The following KDSR variants were observed in gnomAD, a reference collection of about 807,000 sequenced individuals.
The protein encoded by KDSR is 3-ketodihydrosphingosine reductase, also known as 3-dehydrosphinganine reductase.
In KDSR, 23 loss-of-function variants were observed where a neutral mutation model predicts 41.3. The observed-to-expected ratio is 0.56, with a 90% CI of 0.40 to 0.79. KDSR has a LOEUF of 0.79. Among genes scored for constraint, KDSR ranks in the 30% least tolerant of loss-of-function variants. KDSR has a pLI of 0.00. For missense variants in KDSR, 351 were observed against 416.8 expected (o/e 0.84, Z 1.37); for synonymous variants, 138 against 151.7 (o/e 0.91, Z 0.66).
chr18:63,357,472 T>TAA (rs34264344), intron 3 of KDSR, among the ~76,000 whole-genome samples: 16 of 137,830 alleles, frequency 1.2e-4, no homozygotes, highest in East Asian at 2.1e-4. Context: ...TACGCAGCAG[T>TAA]AAAAAAAAAA....
chr18:63,365,755 T>C (rs1332114357), intron 1 of KDSR, among the ~76,000 whole-genome samples: 5 of 152,216 alleles, frequency 3.3e-5, no homozygotes, highest in Non-Finnish European at 7.3e-5. Flanking sequence ...AGGCAGCAGT[T>C]CTCTTGCGGA....
At chr18:63,352,460 G>C (rs906131364) in intron 5 of KDSR, among the ~76,000 whole-genome samples, 1 of 152,084 alleles carries the variant, frequency 6.6e-6, no homozygotes, top group African/African-American at 2.4e-5. Context: ...GATTACAGGC[G>C]CCAGCCACCA....
chr18:63,353,681 A>C (rs962048816), intron 5 of KDSR, among the ~76,000 whole-genome samples: 3 of 152,256 alleles, frequency 2.0e-5, no homozygotes, highest in African/African-American at 7.2e-5. Context: ...CATATATGCT[A>C]CATGTGGATG....
intron 9 of KDSR, among the ~76,000 whole-genome samples, chr18:63,333,884 A>G (rs1434205232): frequency 6.6e-6 from 1 of 152,184 alleles, no homozygotes; most frequent in Non-Finnish European, 1.5e-5. Flanking sequence ...GAAGAATGTG[A>G]AGAACTGAGT....
intron 6 of KDSR, chr18:63,344,852 C>A (rs1914450034): frequency 5.6e-6 from 1 of 177,156 alleles, no homozygotes; most frequent in Admixed American, 6.1e-5. Flanking sequence ...AGCATCCAAG[C>A]CCTTTATCAA....
chr18:63,356,205 C>T (rs1307556005), intron 3 of KDSR, among the ~76,000 whole-genome samples: 2 of 152,108 alleles, frequency 1.3e-5, no homozygotes, highest in African/African-American at 4.8e-5. Flanking sequence ...TGAGACCAGC[C>T]TGGCCTACAT....
intron 1 of KDSR, among the ~76,000 whole-genome samples, chr18:63,364,098 T>C (rs902264028): frequency 2.2e-4 from 33 of 152,270 alleles, no homozygotes; most frequent in African/African-American, 7.7e-4. Flanking sequence ...CACATCCTAC[T>C]TCCCTTGCAA....
chr18:63,347,419 C>G (rs1307229154), intron 6 of KDSR, among the ~76,000 whole-genome samples: 1 of 144,734 alleles, frequency 6.9e-6, no homozygotes, highest in African/African-American at 2.6e-5. Context: ...TCGCTTGAAC[C>G]AGGGAGGCAG....
At chr18:63,360,795 G>T (rs938137077) in intron 2 of KDSR, among the ~76,000 whole-genome samples, 1 of 151,186 alleles carries the variant, frequency 6.6e-6, no homozygotes, top group Non-Finnish European at 1.5e-5. Flanking sequence ...GAAGTGAGAG[G>T]ATTGGTTGAG....
intron 3 of KDSR, among the ~76,000 whole-genome samples, chr18:63,355,942 A>G (rs1914782394): frequency 6.6e-6 from 1 of 152,200 alleles, no homozygotes; most frequent in Non-Finnish European, 1.5e-5. Context: ...CCTTTCAAGA[A>G]GGAATCCTGT....
intron 3 of KDSR, among the ~76,000 whole-genome samples, chr18:63,356,524 T>TG (rs1344593710): frequency 6.6e-6 from 1 of 151,976 alleles, no homozygotes; most frequent in East Asian, 1.9e-4. Flanking sequence ...AACAAAAAAA[T>TG]GTTAACAAGT....
At chr18:63,341,936 G>A (rs1432493068) in intron 7 of KDSR, among the ~76,000 whole-genome samples, 1 of 151,740 alleles carries the variant, frequency 6.6e-6, no homozygotes, top group Non-Finnish European at 1.5e-5. Context: ...CCAGCACTTT[G>A]GGAGGCCAGA....
intron 6 of KDSR, 128 bp from the exon 7 acceptor site, chr18:63,344,621 G>A (rs554592582): frequency 1.5e-5 from 9 of 604,550 alleles, no homozygotes; most frequent in South Asian, 8.8e-5. Flanking sequence ...TGTTAGGCGG[G>A]GAACTACACC....
intron 3 of KDSR, among the ~76,000 whole-genome samples, chr18:63,359,198 AAAAGG>A (rs1914892121): frequency 1.3e-5 from 2 of 150,682 alleles, no homozygotes; most frequent in Admixed American, 1.3e-4. Flanking sequence ...AAAAAAAAAA[AAAAGG>A]AAAGAAAAAA....
In KDSR at chr18:63,367,029, C is replaced by G; in HGVS notation, c.90G>C (p.Leu30=). 7.6e-7 allele frequency: 1 copy of G among 1,315,910 alleles called. No homozygotes were observed. Among genetic ancestry groups the G allele is most frequent in the Non-Finnish European group, 9.8e-7 (1 of 1,024,118 alleles). The allele number at this position is 1,315,910 out of a possible 1,614,324, so 81.5% of individuals were successfully genotyped here. A position where few individuals can be genotyped will look rare whatever the true frequency, so the allele number is the denominator to read the frequency against. ...CACTCACCACCACATGCGCCCCGGG[C>G]AGGGCGAGGGGCTTGGGGCTGATGA... is the stretch of plus-strand genomic sequence containing the variant. ...SPLISPKPLA[L]PGAHVVVTGG... is the part of the protein sequence containing the mutation. Residue 30 remains leucine, a synonymous_variant, in exon 1 of 10, where the codon CTG becomes CTC. Transcript: ENST00000645214.
At chr18:63,363,400 T>C (rs866576465) in intron 1 of KDSR, among the ~76,000 whole-genome samples, 37 of 107,686 alleles carry the variant, frequency 3.4e-4, no homozygotes, top group African/African-American at 1.4e-3. Flanking sequence ...GTCCCCAGAG[T>C]GTGATATTCC....
At chr18:63,366,750 A>C (rs574740241) in intron 1 of KDSR, 4 of 367,576 alleles carry the variant, frequency 1.1e-5, no homozygotes, top group Non-Finnish European at 1.9e-5. Flanking sequence ...GGGCCCCGGG[A>C]ACCCTGCGGC....
intron 6 of KDSR, chr18:63,345,261 G>T (rs761383987): frequency 3.9e-5 from 6 of 152,298 alleles, no homozygotes; most frequent in Non-Finnish European, 8.8e-5. Flanking sequence ...TCTGACACTT[G>T]GAGCAGGTTG....
rs1913923601 is a variant in KDSR, at chr18:63,329,858, A to T, written c.*1924T>A. 1 of 194,238 alleles carries T rather than the reference A, an allele frequency of 5.1e-6. No homozygotes were observed. Among genetic ancestry groups the T allele is most frequent in the Non-Finnish European group, 1.1e-5 (1 of 93,248 alleles). 12.0% of individuals were successfully genotyped at this position (194,238 alleles called of 1,614,324 possible). A position where few individuals can be genotyped will look rare whatever the true frequency, so the allele number is the denominator to read the frequency against. On this transcript the variant is annotated 3_prime_UTR_variant, in exon 10 of 10. Coordinates refer to ENST00000645214, the MANE Select transcript of KDSR (RefSeq NM_002035.4). Reference sequence around the variant, plus strand: ...TGAGAAACATCCAGACATTAATGCAATTGTTTTCTGCAAATTATAAAAAGC... The same window carrying T: ...TGAGAAACATCCAGACATTAATGCATTTGTTTTCTGCAAATTATAAAAAGC...
Sources: gnomAD v4.1 joint callset for allele counts (sites outside exome capture counted in the v4.1 genomes callset) on GRCh38, gnomAD v4.1.1 for gene constraint, MANE v1.5 for transcripts, NCBI Gene and HGNC (gene_info 2026-07-23, HGNC 2026-07-21) for gene names.